KIAA1958: variants seen among roughly 807,000 people sequenced by gnomAD.
The protein encoded by KIAA1958 is KIAA1958.
A neutral mutation model predicts 47.2 loss-of-function variants in KIAA1958; 14 were observed. The observed-to-expected ratio is 0.30, with a 90% confidence interval of 0.20 to 0.46. KIAA1958 has a LOEUF of 0.46. KIAA1958 is among the 20% of genes least tolerant of loss of function. KIAA1958 has a pLI of 1.00. For missense variants in KIAA1958, 803 were observed against 909.2 expected, an observed-to-expected ratio of 0.88 and a Z score of 1.50; for synonymous variants, 354 against 353.3, an observed-to-expected ratio of 1.00 and a Z score of -0.02.
chr9:112,647,181 A>C (rs955582784), intron 3 of KIAA1958, among the ~76,000 whole-genome samples: 1 of 152,190 alleles, frequency 6.6e-6, no homozygotes, highest in Non-Finnish European at 1.5e-5. Flanking sequence ...AAAAAAAAAA[A>C]AGTGCAACAG....
intron 1 of KIAA1958, among the ~76,000 whole-genome samples, chr9:112,572,088 C>T (rs1364634948): frequency 6.6e-6 from 1 of 152,026 alleles, no homozygotes. Flanking sequence ...CTGACTCCCA[C>T]GCCAGTCAAT....
intron 2 of KIAA1958, among the ~76,000 whole-genome samples, chr9:112,613,202 A>G (rs111960339): frequency 2.6e-5 from 4 of 152,178 alleles, no homozygotes; most frequent in African/African-American, 7.2e-5. Flanking sequence ...AAACTGTCCT[A>G]TATGCTTGTA....
At chr9:112,598,654 T>A (rs1168617201) in intron 2 of KIAA1958, among the ~76,000 whole-genome samples, 1 of 152,162 alleles carries the variant, frequency 6.6e-6, no homozygotes, top group African/African-American at 2.4e-5. Flanking sequence ...CATTACTATG[T>A]TAATAGTAGT....
chr9:112,629,785 A>G (rs1390257786), intron 2 of KIAA1958, among the ~76,000 whole-genome samples: 1 of 152,238 alleles, frequency 6.6e-6, no homozygotes, highest in Non-Finnish European at 1.5e-5. Context: ...GTACAGCCTA[A>G]AACTTATGGA....
chr9:112,515,918 G>GAAAAAA (rs1564155552), intron 1 of KIAA1958, among the ~76,000 whole-genome samples: 31 of 134,892 alleles, frequency 2.3e-4, no homozygotes, highest in Middle Eastern at 3.8e-3. Context: ...AAAAAAGACT[G>GAAAAAA]AATGCTTTTC....
intron 2 of KIAA1958, among the ~76,000 whole-genome samples, chr9:112,584,001 G>C (rs191871520): frequency 3.9e-4 from 59 of 152,232 alleles, no homozygotes; most frequent in African/African-American, 1.4e-3. Flanking sequence ...GGGAGTTTAA[G>C]GCTGCAGTGA....
intron 2 of KIAA1958, among the ~76,000 whole-genome samples, chr9:112,630,550 T>G (rs577111012): frequency 1.3e-5 from 2 of 152,330 alleles, no homozygotes; most frequent in Non-Finnish European, 2.9e-5. Flanking sequence ...AATTAACTTA[T>G]TTTTAAGAGA....
chr9:112,542,423 A>G (rs1261492323), intron 1 of KIAA1958, among the ~76,000 whole-genome samples: 1 of 152,180 alleles, frequency 6.6e-6, no homozygotes, highest in Non-Finnish European at 1.5e-5. Flanking sequence ...ATATTCATGA[A>G]TATAATCATT....
intron 1 of KIAA1958, among the ~76,000 whole-genome samples, chr9:112,563,071 C>G (rs1467021546): frequency 5.1e-5 from 3 of 58,294 alleles, no homozygotes; most frequent in Non-Finnish European, 9.6e-5. Flanking sequence ...CTCTGTCTCT[C>G]TCTCTCTCTC....
chr9:112,637,615 A>C (rs1464234752), intron 2 of KIAA1958, among the ~76,000 whole-genome samples: 1 of 151,864 alleles, frequency 6.6e-6, no homozygotes, highest in African/African-American at 2.4e-5. Context: ...AAACCTCGTG[A>C]TCTGCCCACC....
At chr9:112,654,990 C>G (rs776686896) in intron 3 of KIAA1958, among the ~76,000 whole-genome samples, 1 of 152,090 alleles carries the variant, frequency 6.6e-6, no homozygotes, top group African/African-American at 2.4e-5. Flanking sequence ...ACCTCCAGAA[C>G]AGTATTATAT....
At chr9:112,492,591 G>A (rs1419819347) in intron 1 of KIAA1958, among the ~76,000 whole-genome samples, 1 of 152,066 alleles carries the variant, frequency 6.6e-6, no homozygotes, top group African/African-American at 2.4e-5. Context: ...GTGGGATTTT[G>A]TTGGCAATTT....
chr9:112,545,582 A>G (rs1420822311), intron 1 of KIAA1958, among the ~76,000 whole-genome samples: 1 of 152,158 alleles, frequency 6.6e-6, no homozygotes, highest in South Asian at 2.1e-4. Flanking sequence ...GCAGAAAAAT[A>G]CATGTAAATG....
chr9:112,540,667 TTTTG>T (rs1834925425), intron 1 of KIAA1958, among the ~76,000 whole-genome samples: 2 of 152,052 alleles, frequency 1.3e-5, no homozygotes, highest in Admixed American at 1.3e-4. Context: ...GTCCTTTTGC[TTTTG>T]TTTAAGTTAA....
chr9:112,583,765 A>G (rs1835775085), intron 2 of KIAA1958, among the ~76,000 whole-genome samples: 1 of 152,210 alleles, frequency 6.6e-6, no homozygotes, highest in African/African-American at 2.4e-5. Flanking sequence ...TTACACAGAC[A>G]CACACACTTA....
intron 2 of KIAA1958, among the ~76,000 whole-genome samples, chr9:112,578,850 C>CT (rs1386338033): frequency 6.6e-6 from 1 of 151,990 alleles, no homozygotes; most frequent in African/African-American, 2.4e-5. Context: ...ATTTAAATCT[C>CT]TATCGCATCA....
At chr9:112,501,491 A>G (rs1322344529) in intron 1 of KIAA1958, among the ~76,000 whole-genome samples, 1 of 152,216 alleles carries the variant, frequency 6.6e-6, no homozygotes, top group African/African-American at 2.4e-5. Context: ...AACGCTGCCA[A>G]GAGGGCAGCC....
rs1446015229 is a variant in KIAA1958, at chr9:112,665,342, A to G, written c.*5273A>G. The G allele has an allele frequency of 6.6e-6, 1 of 152,244 alleles. No individual in the cohort carries two copies. The highest frequency in any genetic ancestry group is 1.5e-5 in the Non-Finnish European group (1 of 68,046). The allele number at this position is 152,244 out of a possible 1,614,324, so 9.4% of individuals were successfully genotyped here. Reference sequence around the variant, plus strand: ...TGTTACGTGCTTTCTCACAGCTGCCATATATTCTCATGTAATCTTTACAAC... The same window carrying G: ...TGTTACGTGCTTTCTCACAGCTGCCGTATATTCTCATGTAATCTTTACAAC... On this transcript the variant is annotated 3_prime_UTR_variant, in exon 4 of 4. Coordinates refer to ENST00000337530, the MANE Select transcript of KIAA1958 (RefSeq NM_133465.4).
rs1170829677 is a variant in KIAA1958 at position 112,618,283 on chromosome 9, G to T, written c.1172-27367G>T. 5 of 1,550,864 alleles carry T rather than the reference G, an allele frequency of 3.2e-6. No homozygotes were observed. The highest frequency in any genetic ancestry group is 4.4e-6 in the Non-Finnish European group (5 of 1,147,080). On this transcript the variant is annotated intron_variant, in intron 2 of 3. Transcript: ENST00000337530. This position sits in a 1 kb window ranked among gnomAD's most constrained non-coding sequence, Gnocchi z 7.1. ...TCACCTTTGCTGACGAGCTCATCCT[G>T]CGGAAAAGGGGACTGCTAAGCCGAT...
Sources: allele counts gnomAD v4.1 joint callset (sites outside exome capture counted in the v4.1 genomes callset), GRCh38; gene constraint gnomAD v4.1.1; non-coding constraint Gnocchi (gnomAD v3.1); transcripts MANE v1.5; gene names NCBI Gene and HGNC (gene_info 2026-07-23, HGNC 2026-07-21).